INO80: variants seen among roughly 807,000 people sequenced by gnomAD.
The protein encoded by INO80 is chromatin-remodeling ATPase INO80.
In INO80, 20 loss-of-function variants were observed where a neutral mutation model predicts 203.4. The observed-to-expected ratio is 0.10, with a 90% confidence interval of 0.07 to 0.14. The LOEUF is 0.14. INO80 is among the 10% of genes least tolerant of loss of function. The pLI, the probability that INO80 is intolerant of heterozygous loss-of-function variation, is 1.00. For synonymous variants in INO80, 726 were observed against 685.2 expected, an observed-to-expected ratio of 1.06 and a Z score of -0.93; for missense variants, 1,419 against 1,914.4, an observed-to-expected ratio of 0.74 and a Z score of 4.83.
rs142974528 is a variant in INO80, at chr15:40,984,364, C to A, written c.3922-12G>T. 4.2e-5 allele frequency: 68 copies of A among 1,612,230 alleles called. 1 individual carries two copies. The highest frequency in any genetic ancestry group is 3.5e-4 in the African/African-American group (26 of 74,970). On this transcript the variant is annotated splice_polypyrimidine_tract_variant and intron_variant, in intron 32 of 35. Transcript: ENST00000648947. ...TCTTCTTTTTTCTTCTGGGAACACA[C>A]GGATAAATATGGAAAACGTGTGAGG...
At position 41,071,957 on chromosome 15, in the gene INO80, G is replaced by A. The variant is rs1244290165; in HGVS notation, c.1497C>T (p.Asn499=). ...TGFGESYSLA[N]PSIRAGEDIP... is the part of the protein sequence containing the mutation. ...TATCCTCACCAGCCCGGATAGATGG[G>A]TTAGCCAGGCTATAACTCTCCCCAA... is the stretch of plus-strand genomic sequence containing the variant. Residue 499 remains asparagine (N), a synonymous_variant, in exon 12 of 36, where the codon AAC becomes AAT. Transcript: ENST00000648947. 1.9e-6 allele frequency: 3 copies of A among 1,613,646 alleles called. No individual in the cohort carries two copies. In the South Asian group the frequency reaches 3.3e-5, roughly 18 times the overall value.
In INO80 at chr15:41,098,567, G is replaced by A. The variant is rs868578840; in HGVS notation, c.-43-2214C>T. Among the ~76,000 whole-genome samples, 7 of 152,078 alleles carry A rather than the reference G, an allele frequency of 4.6e-5. No homozygotes were observed. The South Asian group carries it at 6.2e-4, about 13-fold the overall frequency. ...GCACAGGCCTCTGGACAAACTATTC[G>A]GGAGGCTGAAGTGGGAGGATCACTT... On this transcript the variant is annotated intron_variant, in intron 1 of 35. Coordinates refer to ENST00000648947, the MANE Select transcript of INO80 (RefSeq NM_017553.3).
intron 27 of INO80, among the ~76,000 whole-genome samples, chr15:41,009,719 T>C (rs757752050): frequency 7.7e-4 from 117 of 151,874 alleles, no homozygotes; most frequent in Non-Finnish European, 1.5e-3. Flanking sequence ...TCCCAAGTAG[T>C]TGGAACTATA....
At chr15:41,015,416 G>A (rs190348613) in intron 27 of INO80, among the ~76,000 whole-genome samples, 1 of 152,264 alleles carries the variant, frequency 6.6e-6, no homozygotes, top group Admixed American at 6.5e-5. Flanking sequence ...TTGAATAGCT[G>A]TTCTCTGCTT....
At chr15:41,003,834 A>G (rs998751805) in intron 28 of INO80, among the ~76,000 whole-genome samples, 4 of 152,298 alleles carry the variant, frequency 2.6e-5, no homozygotes, top group African/African-American at 9.6e-5. Flanking sequence ...ATAATTCACA[A>G]AGCATGCCAC....
At chr15:41,109,428 G>A (rs953641171) in intron 1 of INO80, among the ~76,000 whole-genome samples, 10 of 151,830 alleles carry the variant, frequency 6.6e-5, no homozygotes, top group Admixed American at 6.6e-4. Flanking sequence ...TACAGCCTGG[G>A]CGACAGAGTA....
At chr15:41,045,666 G>T (rs1202306351) in intron 23 of INO80, among the ~76,000 whole-genome samples, 3 of 151,684 alleles carry the variant, frequency 2.0e-5, no homozygotes, top group Non-Finnish European at 4.4e-5. Flanking sequence ...AATGAGACAG[G>T]CAGATCAATT....
In INO80 at chr15:41,019,309, C is replaced by T. The variant is rs988641796; in HGVS notation, c.3274+1591G>A. 1.8e-4 allele frequency among the ~76,000 whole-genome samples: 28 copies of T among 152,140 alleles called. 1 individual carries two copies. The highest frequency in any genetic ancestry group is 6.0e-4 in the African/African-American group (25 of 41,430). On this transcript the variant is annotated intron_variant, in intron 26 of 35. Coordinates refer to ENST00000648947, the MANE Select transcript of INO80 (RefSeq NM_017553.3). Reference sequence around the variant, plus strand: ...AGGGTTCCAGTGAGACACCCCCAACCCCCGCCCTGTCCCAGCTAGTCTACA... The same window carrying T: ...AGGGTTCCAGTGAGACACCCCCAACTCCCGCCCTGTCCCAGCTAGTCTACA...
chr15:41,041,176 TCCACCTCAGCCTTCCAATCCTC>T (rs1262870897), intron 24 of INO80, among the ~76,000 whole-genome samples: 41 of 151,906 alleles, frequency 2.7e-4, no homozygotes, highest in Non-Finnish European at 4.6e-4. Flanking sequence ...AGGCGATCCT[TCCACCTCAGCCTTCCAATCCTC>T]CCACCTCAGC....
In INO80 at chr15:40,980,054, C is replaced by G; in HGVS notation, c.*169G>C. Reference sequence around the variant, plus strand: ...CACCCCAGATGCTCCTGATGAGACACAGATGATAAAAGTGCTCACACCATC... The same window carrying G: ...CACCCCAGATGCTCCTGATGAGACAGAGATGATAAAAGTGCTCACACCATC... On this transcript the variant is annotated 3_prime_UTR_variant, in exon 36 of 36. Transcript: ENST00000648947. 2 of 632,700 alleles carry G rather than the reference C, an allele frequency of 3.2e-6. No homozygotes were observed. Among genetic ancestry groups the G allele is most frequent in the African/African-American group, 1.8e-5 (1 of 54,700 alleles). The allele number at this position is 632,700 out of a possible 1,614,324, so 39.2% of individuals were successfully genotyped here.
chr15:41,054,077 A>C (rs1181185131), intron 18 of INO80, 63 bp from the exon 19 acceptor site: 2 of 1,286,640 alleles, frequency 1.6e-6, no homozygotes, highest in Non-Finnish European at 2.2e-6. Context: ...AACAGAAACA[A>C]ATACCACATT....
At chr15:41,062,969 A>G (rs1320227701) in intron 14 of INO80, among the ~76,000 whole-genome samples, 4 of 152,246 alleles carry the variant, frequency 2.6e-5, no homozygotes, top group Non-Finnish European at 4.4e-5. Flanking sequence ...CCAAAAGGAC[A>G]TAAGAAAGGA....
chr15:40,985,488 T>A (rs1278060568), intron 31 of INO80, 62 bp from the exon 32 acceptor site: 1 of 1,188,514 alleles, frequency 8.4e-7, no homozygotes, highest in African/African-American at 1.5e-5. Context: ...CCTCACTCTC[T>A]TAATTAAGGT....
intron 15 of INO80, among the ~76,000 whole-genome samples, 196 bp downstream of exon 15, chr15:41,059,667 CTTAA>C (rs2045067409): frequency 1.3e-5 from 2 of 151,544 alleles, no homozygotes. Flanking sequence ...AAAAAAGATT[CTTAA>C]TTAATCCTGG....
intron 5 of INO80, among the ~76,000 whole-genome samples, chr15:41,088,011 TCAC>T (rs2140645678): frequency 6.6e-6 from 1 of 151,974 alleles, no homozygotes; most frequent in African/African-American, 2.4e-5. Context: ...CCTTGGAAAT[TCAC>T]CACCAAGAAA....
At position 40,987,126 on chromosome 15, in the gene INO80, C is replaced by G. The variant is rs1389066486; in HGVS notation, c.3797G>C (p.Ser1266Thr). Residue 1266 changes from serine (S) to threonine (T), a missense_variant, in exon 31 of 36, where the codon AGT (serine) becomes ACT (threonine). Around this residue, in one of 9 missense-constraint regions of INO80, gnomAD observed 214 missense variants for 248.9 expected, o/e 0.86. Transcript: ENST00000648947. ...PDTLKPKEVV[S>T]LLLDDEELEK... ...CAACTCTTCGTCGTCTAGAAGAAGA[C>G]TAACCACCTCTTTGGGTTTCAAGGT... 1 of 1,613,362 alleles carries G rather than the reference C, an allele frequency of 6.2e-7. No individual in the cohort carries two copies. The highest frequency in any genetic ancestry group is 8.5e-7 in the Non-Finnish European group (1 of 1,179,294).
intron 1 of INO80, among the ~76,000 whole-genome samples, 190 bp downstream of exon 1, chr15:41,115,783 G>A (rs572244723): frequency 6.6e-6 from 1 of 152,320 alleles, no homozygotes; most frequent in Non-Finnish European, 1.5e-5. Flanking sequence ...GGAAGGACAA[G>A]GCCCTAGTCC....
intron 1 of INO80, among the ~76,000 whole-genome samples, chr15:41,099,260 A>C (rs1405453173): frequency 4.5e-4 from 60 of 132,982 alleles, no homozygotes; most frequent in African/African-American, 1.5e-3. Flanking sequence ...AAAAAAAAAA[A>C]AAAAAAACAA....
chr15:41,112,042 T>C (rs1289431523), intron 1 of INO80, among the ~76,000 whole-genome samples: 1 of 152,012 alleles, frequency 6.6e-6, no homozygotes, highest in Non-Finnish European at 1.5e-5. Flanking sequence ...GTAGCTGAAC[T>C]ATAGGCACAC....
Sources: gnomAD v4.1 joint callset for allele counts (sites outside exome capture counted in the v4.1 genomes callset) on GRCh38, gnomAD v4.1.1 for gene constraint, gnomAD v4.1.1 regional missense constraint, MANE v1.5 for transcripts, NCBI Gene and HGNC (gene_info 2026-07-23, HGNC 2026-07-21) for gene names.